Variants in XKR6 observed in about 807,000 individuals in gnomAD.
The protein encoded by XKR6 is XK-related protein 6.
In XKR6, 22 loss-of-function variants were observed where a neutral mutation model predicts 56.7. The observed-to-expected ratio is 0.39, with a 90% CI of 0.28 to 0.55. XKR6 has a LOEUF of 0.55. XKR6 is among the 20% of genes least tolerant of loss of function. The probability of loss-of-function intolerance (pLI) is 0.66; values close to 1 mark genes in which losing one functional copy is unlikely to be tolerated. For synonymous variants in XKR6, 524 were observed against 387.8 expected, an observed-to-expected ratio of 1.35 and a Z score of -4.13; for missense variants, 852 against 889.0, an observed-to-expected ratio of 0.96 and a Z score of 0.53.
At chr8:10,958,537 C>G (rs1801965423) in intron 1 of XKR6, among the ~76,000 whole-genome samples, 1 of 152,138 alleles carries the variant, frequency 6.6e-6, no homozygotes, top group South Asian at 2.1e-4. Context: ...CTTTCATCAC[C>G]CGAGACATGG....
chr8:11,164,859 A>G (rs1278342896), intron 1 of XKR6, among the ~76,000 whole-genome samples: 1 of 152,186 alleles, frequency 6.6e-6, no homozygotes, highest in East Asian at 1.9e-4. Flanking sequence ...CCATCACTTA[A>G]TTAAGAAACA....
chr8:11,036,173 C>T (rs890976502), intron 1 of XKR6, among the ~76,000 whole-genome samples: 1 of 152,042 alleles, frequency 6.6e-6, no homozygotes, highest in Admixed American at 6.6e-5. Flanking sequence ...GTCTCTAACT[C>T]CTGGGCTCAA....
intron 1 of XKR6, among the ~76,000 whole-genome samples, chr8:11,018,779 G>C (rs1351095165): frequency 2.0e-5 from 3 of 152,116 alleles, no homozygotes; most frequent in Non-Finnish European, 2.9e-5. Context: ...GCTCCCCATT[G>C]CCAAAAAAGA....
At chr8:10,935,369 T>C (rs1198908646) in intron 1 of XKR6, among the ~76,000 whole-genome samples, 1 of 128,698 alleles carries the variant, frequency 7.8e-6, no homozygotes. Flanking sequence ...TTCATTGATT[T>C]TTTGAAGGGT....
chr8:10,912,814 G>C (rs1800442982), intron 2 of XKR6, among the ~76,000 whole-genome samples: 1 of 146,436 alleles, frequency 6.8e-6, no homozygotes, highest in African/African-American at 2.5e-5. Flanking sequence ...AGAGAGGCGA[G>C]TATATATACA....
rs375132570 is a variant in XKR6, at chr8:11,096,747, A to T, written c.764+103829T>A. On this transcript the variant is annotated intron_variant, in intron 1 of 2. Coordinates refer to ENST00000416569, the MANE Select transcript of XKR6 (RefSeq NM_173683.4). The stretch of plus-strand genomic sequence containing the variant: ...GCCAACAGCTGGGTCCTTGGGCTCC[A>T]GCCGACAAAGTCTACAACTGACTTC... 5.3e-5 allele frequency among the ~76,000 whole-genome samples: 8 copies of T among 152,374 alleles called. No homozygotes were observed. The East Asian group carries it at 7.7e-4, about 15-fold the overall frequency.
intron 1 of XKR6, among the ~76,000 whole-genome samples, chr8:10,955,763 T>G (rs1333856034): frequency 6.6e-6 from 1 of 151,870 alleles, no homozygotes; most frequent in African/African-American, 2.4e-5. Context: ...AGAGAAGAAG[T>G]TGGTGTGTAG....
chr8:10,961,824 G>A (rs918151336), intron 1 of XKR6, among the ~76,000 whole-genome samples: 2 of 152,206 alleles, frequency 1.3e-5, no homozygotes, highest in African/African-American at 2.4e-5. Flanking sequence ...CCTGCCTTCC[G>A]AGGGGAACGT....
At chr8:11,103,726 G>C (rs1380263024) in intron 1 of XKR6, among the ~76,000 whole-genome samples, 1 of 152,260 alleles carries the variant, frequency 6.6e-6, no homozygotes, top group Middle Eastern at 3.4e-3. Flanking sequence ...TCTGTGTCAA[G>C]GTACCCAGTC....
intron 1 of XKR6, among the ~76,000 whole-genome samples, chr8:11,055,043 G>T (rs1799646669): frequency 6.6e-6 from 1 of 152,146 alleles, no homozygotes; most frequent in Admixed American, 6.5e-5. Flanking sequence ...GCTTTGCTTG[G>T]ATGTTTGTGG....
At chr8:11,179,013 T>C (rs1316908707) in intron 1 of XKR6, among the ~76,000 whole-genome samples, 1 of 140,048 alleles carries the variant, frequency 7.1e-6, no homozygotes, top group Non-Finnish European at 1.5e-5. Context: ...TGGCTAATTT[T>C]CTTTTTCTTT....
At chr8:10,938,743 G>A (rs1378069779) in intron 1 of XKR6, among the ~76,000 whole-genome samples, 1 of 152,154 alleles carries the variant, frequency 6.6e-6, no homozygotes, top group African/African-American at 2.4e-5. Flanking sequence ...TGGGGTGGTG[G>A]AACTGTCCTG....
At chr8:11,101,594 G>C (rs1490341004) in intron 1 of XKR6, among the ~76,000 whole-genome samples, 3 of 152,176 alleles carry the variant, frequency 2.0e-5, no homozygotes, top group African/African-American at 7.2e-5. Context: ...ATCTGCCAGA[G>C]ATTAAAAACT....
intron 1 of XKR6, among the ~76,000 whole-genome samples, chr8:11,122,066 T>G (rs1799486772): frequency 6.6e-6 from 1 of 152,196 alleles, no homozygotes; most frequent in Non-Finnish European, 1.5e-5. Context: ...TGCCATAAAG[T>G]GAGTGATAAT....
chr8:10,923,049 A>C (rs774042276), intron 2 of XKR6, among the ~76,000 whole-genome samples: 1 of 152,208 alleles, frequency 6.6e-6, no homozygotes, highest in Non-Finnish European at 1.5e-5. Context: ...CAGATGCCCA[A>C]GGGCAGATGT....
chr8:11,017,838 T>C (rs1172339953), intron 1 of XKR6, among the ~76,000 whole-genome samples: 1 of 152,124 alleles, frequency 6.6e-6, no homozygotes, highest in Non-Finnish European at 1.5e-5. Flanking sequence ...GGAAGCAGTT[T>C]TGTGGGGCTG....
At chr8:10,978,470 AG>A (rs1797642193) in intron 1 of XKR6, among the ~76,000 whole-genome samples, 1 of 152,124 alleles carries the variant, frequency 6.6e-6, no homozygotes, top group Admixed American at 6.5e-5. Flanking sequence ...GTGATGGGGG[AG>A]GGGGAAGACG....
At chr8:10,952,713 G>T (rs1294893276) in intron 1 of XKR6, among the ~76,000 whole-genome samples, 2 of 152,182 alleles carry the variant, frequency 1.3e-5, no homozygotes, top group African/African-American at 4.8e-5. Flanking sequence ...TGCTGGAGGT[G>T]GGGCCTGGTG....
intron 1 of XKR6, among the ~76,000 whole-genome samples, chr8:11,155,532 G>T (rs1350877991): frequency 6.6e-6 from 1 of 152,180 alleles, no homozygotes; most frequent in Non-Finnish European, 1.5e-5. Flanking sequence ...TGGGATTCAA[G>T]AACTATATGC....
Sources: allele counts gnomAD v4.1 joint callset (sites outside exome capture counted in the v4.1 genomes callset), GRCh38; gene constraint gnomAD v4.1.1; transcripts MANE v1.5; gene names NCBI Gene and HGNC (gene_info 2026-07-23, HGNC 2026-07-21).